Variants in ZNF710 observed in about 807,000 individuals in gnomAD.
The protein encoded by ZNF710 is zinc finger protein 710.
In ZNF710, 13 loss-of-function variants were observed where a neutral mutation model predicts 50.6. The observed-to-expected ratio is 0.26, with a 90% CI of 0.17 to 0.41. ZNF710 has a LOEUF of 0.41. ZNF710 is among the 10% of genes least tolerant of loss of function. The pLI, the probability that ZNF710 is intolerant of heterozygous loss-of-function variation, is 1.00. For missense variants in ZNF710, 721 were observed against 936.6 expected (o/e 0.77, Z 3.01); for synonymous variants, 383 against 397.0 (o/e 0.96, Z 0.42).
At chr15:90,005,266 G>A (rs1242288942) in intron 1 of ZNF710, among the ~76,000 whole-genome samples, 1 of 152,146 alleles carries the variant, frequency 6.6e-6, no homozygotes, top group East Asian at 1.9e-4. Context: ...CCTGCCAGAA[G>A]GAACCCATGA....
chr15:90,052,386 T>TTTC (rs1444677009), intron 1 of ZNF710, among the ~76,000 whole-genome samples: 1 of 152,170 alleles, frequency 6.6e-6, no homozygotes, highest in Non-Finnish European at 1.5e-5. Flanking sequence ...CAGATCTTTG[T>TTTC]TTCTCCTGTC....
rs140942275 is a variant in ZNF710, at chr15:90,026,263, C to CAAAAAAAAAAAAAAAA, written c.-29+24651_-29+24652insAAAAAAAAAAAAAAAA. The stretch of plus-strand genomic sequence containing the variant: ...GAGAAAAAAAACAAAACAACAACAA[C>CAAAAAAAAAAAAAAAA]AACAACAAAAAAAAAAAAGGGAATG... On this transcript the variant is annotated intron_variant, in intron 1 of 4. Transcript: ENST00000268154. Among the ~76,000 whole-genome samples, 4 of 100,526 alleles carry CAAAAAAAAAAAAAAAA rather than the reference C, an allele frequency of 4.0e-5. 1 individual carries two copies. Among genetic ancestry groups the CAAAAAAAAAAAAAAAA allele is most frequent in the African/African-American group, 8.7e-5 (2 of 23,042 alleles). The allele number at this position is 100,526 out of a possible 152,430, so 65.9% of individuals were successfully genotyped here.
chr15:90,068,092 G>A lies in ZNF710; in HGVS notation c.955G>A (p.Gly319Ser). The A allele has an allele frequency of 1.2e-6, 2 of 1,614,244 alleles. No homozygotes were observed. The highest frequency in any genetic ancestry group is 1.7e-6 in the Non-Finnish European group (2 of 1,180,046). ...NLVTHILGHN[G>S]IKPHSCPHCS... ...GGTGACGCACATCCTGGGCCACAAC[G>A]GCATCAAGCCACACTCGTGCCCACA... Residue 319 changes from glycine to serine, a missense_variant, in exon 2 of 5, where the codon GGC (glycine) becomes AGC (serine). Coordinates refer to ENST00000268154, the MANE Select transcript of ZNF710 (RefSeq NM_198526.4). This position sits in a 1 kb window ranked among gnomAD's most constrained non-coding sequence, Gnocchi z 5.0.
At chr15:90,065,328 T>C (rs886345459) in intron 1 of ZNF710, among the ~76,000 whole-genome samples, 2 of 152,138 alleles carry the variant, frequency 1.3e-5, no homozygotes, top group Non-Finnish European at 2.9e-5. Context: ...AGTTGGTCCG[T>C]TGGGAGCCCT....
At position 90,034,563 on chromosome 15, in the gene ZNF710, G is replaced by T. The variant is rs936703679; in HGVS notation, c.-28-32547G>T. 2.0e-5 allele frequency among the ~76,000 whole-genome samples: 3 copies of T among 151,906 alleles called. No individual in the cohort carries two copies. The highest frequency in any genetic ancestry group is 4.4e-5 in the Non-Finnish European group (3 of 67,978). On this transcript the variant is annotated intron_variant, in intron 1 of 4. Transcript: ENST00000268154. The surrounding 1 kb of genome is among the most constrained non-coding windows in gnomAD (Gnocchi z 4.0). ...CATCGGTTTCCTGCTGATTAACTCA[G>T]TTCCTGGAGGGCCCTCCCTAGCAGC...
At position 90,073,217 on chromosome 15, in the gene ZNF710, G is replaced by A. The variant is rs1296233242; in HGVS notation, c.1605G>A (p.Lys535=). 1.9e-6 allele frequency: 3 copies of A among 1,614,206 alleles called. No individual in the cohort carries two copies. The highest frequency in any genetic ancestry group is 2.5e-6 in the Non-Finnish European group (3 of 1,180,032). Residue 535 remains lysine, a synonymous_variant, in exon 3 of 5, where the codon AAG becomes AAA. Coordinates refer to ENST00000268154, the MANE Select transcript of ZNF710 (RefSeq NM_198526.4). The part of the protein sequence containing the change: ...FKTFVQKQTL[K]THMIVHSPVK... Reference sequence around the variant, plus strand: ...CCTTTGTACAGAAGCAGACTCTCAAGACCCACATGATTGTACACTCGCCCG... The same window carrying A: ...CCTTTGTACAGAAGCAGACTCTCAAAACCCACATGATTGTACACTCGCCCG...
upstream of ZNF710, among the ~76,000 whole-genome samples, chr15:90,000,997 G>A (rs957628792): frequency 6.6e-6 from 1 of 151,326 alleles, no homozygotes; most frequent in Non-Finnish European, 1.5e-5. Flanking sequence ...AAAAAAAAAA[G>A]AGAGAGAGAG....
At chr15:90,064,175 C>T (rs1900099105) in intron 1 of ZNF710, among the ~76,000 whole-genome samples, 1 of 152,242 alleles carries the variant, frequency 6.6e-6, no homozygotes, top group Non-Finnish European at 1.5e-5. Context: ...ACTGTCGCGA[C>T]AGGAGGCAGC....
At chr15:90,008,453 T>TACATATATATATAC (rs1898208603) in intron 1 of ZNF710, among the ~76,000 whole-genome samples, 3 of 127,928 alleles carry the variant, frequency 2.3e-5, no homozygotes, top group African/African-American at 1.1e-4. Context: ...TATATATATA[T>TACATATATATATAC]GTATATATAT....
chr15:90,077,703 C>T (rs1456164648), intron 4 of ZNF710, among the ~76,000 whole-genome samples: 1 of 152,136 alleles, frequency 6.6e-6, no homozygotes, highest in Non-Finnish European at 1.5e-5. Flanking sequence ...ATGCTACAGG[C>T]ACAAGTAACA....
At position 90,067,247 on chromosome 15, in the gene ZNF710, C is replaced by T. The variant is rs1347257531; in HGVS notation, c.110C>T (p.Thr37Ile). Reference sequence around the variant, plus strand: ...TCCGAAAATGAGCTCTTTGGAGCTACCATAAGCGCCGAGGCCTTCTACCCG... The same window carrying T: ...TCCGAAAATGAGCTCTTTGGAGCTATCATAAGCGCCGAGGCCTTCTACCCG... ...LVSENELFGA[T>I]ISAEAFYPDL... Residue 37 changes from threonine to isoleucine, a missense_variant, in exon 2 of 5, where the codon ACC becomes ATC. By Grantham distance (89) the Thr-to-Ile change is moderately conservative. Coordinates refer to ENST00000268154, the MANE Select transcript of ZNF710 (RefSeq NM_198526.4). This position sits in a 1 kb window ranked among gnomAD's most constrained non-coding sequence, Gnocchi z 8.1. The T allele has an allele frequency of 6.2e-7, 1 of 1,613,278 alleles. No individual in the cohort carries two copies. The highest frequency in any genetic ancestry group is 8.5e-7 in the Non-Finnish European group (1 of 1,179,880).
intron 1 of ZNF710, among the ~76,000 whole-genome samples, chr15:90,063,713 C>T (rs1292742293): frequency 6.6e-6 from 1 of 152,158 alleles, no homozygotes; most frequent in Non-Finnish European, 1.5e-5. Context: ...GTTACCCTTG[C>T]TGTAGGGAAC....
At chr15:90,055,703 G>A (rs1363135276) in intron 1 of ZNF710, among the ~76,000 whole-genome samples, 5 of 152,210 alleles carry the variant, frequency 3.3e-5, no homozygotes, top group African/African-American at 9.6e-5. Flanking sequence ...TCCTTGCCCC[G>A]TACAATCTCC....
At chr15:90,072,062 C>T (rs138660372) in intron 2 of ZNF710, among the ~76,000 whole-genome samples, 1,580 of 152,252 alleles carry the variant, frequency 0.01, 17 homozygotes, top group Non-Finnish European at 0.016. Flanking sequence ...CCTCAGCCTC[C>T]CAAAATGCTG....
chr15:90,036,924 G>C (rs775243218), intron 1 of ZNF710, among the ~76,000 whole-genome samples: 3 of 152,204 alleles, frequency 2.0e-5, no homozygotes, highest in Admixed American at 6.5e-5. Context: ...AGGCAGCCCA[G>C]GTTGCTAAAG....
At chr15:90,039,693 G>A (rs1326887296) in intron 1 of ZNF710, among the ~76,000 whole-genome samples, 1 of 152,116 alleles carries the variant, frequency 6.6e-6, no homozygotes, top group Non-Finnish European at 1.5e-5. Flanking sequence ...CTGTCACTGG[G>A]TCATTTTCAG....
At chr15:90,063,813 C>A (rs925010778) in intron 1 of ZNF710, among the ~76,000 whole-genome samples, 3 of 152,116 alleles carry the variant, frequency 2.0e-5, no homozygotes, top group African/African-American at 7.2e-5. Flanking sequence ...CTTATGCCCG[C>A]GCCCTTGAGG....
At chr15:90,019,720 G>A (rs1036689426) in intron 1 of ZNF710, among the ~76,000 whole-genome samples, 1 of 152,178 alleles carries the variant, frequency 6.6e-6, no homozygotes, top group Non-Finnish European at 1.5e-5. Context: ...TACAATGGGA[G>A]TGCGAGGGCT....
chr15:90,014,325 CTG>C (rs1567220588), intron 1 of ZNF710, among the ~76,000 whole-genome samples: 1 of 151,610 alleles, frequency 6.6e-6, no homozygotes, highest in East Asian at 1.9e-4. Flanking sequence ...TCTGAGGTAA[CTG>C]GGCATGAGTT....
Sources: gnomAD v4.1 joint callset for allele counts (sites outside exome capture counted in the v4.1 genomes callset) on GRCh38, gnomAD v4.1.1 for gene constraint, Gnocchi (gnomAD v3.1) non-coding constraint, MANE v1.5 for transcripts, NCBI Gene and HGNC (gene_info 2026-07-23, HGNC 2026-07-21) for gene names.